Variants in SLC35A1 observed in about 807,000 individuals in gnomAD.
SLC35A1 encodes the protein solute carrier family 35 member A1.
In SLC35A1, 21 loss-of-function variants were observed where a neutral mutation model predicts 40.3. That is an observed-to-expected ratio of 0.52 (90% confidence interval 0.37 to 0.75). The LOEUF (loss-of-function observed/expected upper bound fraction) is 0.75, where lower values mean the gene tolerates loss of function less well. Among genes scored for constraint, SLC35A1 ranks in the 30% least tolerant of loss-of-function variants. The pLI, the probability that SLC35A1 is intolerant of heterozygous loss-of-function variation, is 0.00. For synonymous variants in SLC35A1, 146 were observed against 147.3 expected, an observed-to-expected ratio of 0.99 and a Z score of 0.06; for missense variants, 297 against 382.1, an observed-to-expected ratio of 0.78 and a Z score of 1.86.
chr6:87,474,008 T>A (rs1768997692), intron 1 of SLC35A1, among the ~76,000 whole-genome samples: 1 of 152,282 alleles, frequency 6.6e-6, no homozygotes, highest in Non-Finnish European at 1.5e-5. Context: ...GCTTCTCTTA[T>A]GTCTTCTTTC....
At chr6:87,486,931 C>T (rs946420350) in intron 2 of SLC35A1, among the ~76,000 whole-genome samples, 1 of 152,094 alleles carries the variant, frequency 6.6e-6, no homozygotes, top group African/African-American at 2.4e-5. Context: ...AATCTCAGCA[C>T]TTTGGGAGGC....
intron 4 of SLC35A1, among the ~76,000 whole-genome samples, chr6:87,504,364 A>T (rs568011831): frequency 6.6e-6 from 1 of 151,456 alleles, no homozygotes; most frequent in South Asian, 2.1e-4. Flanking sequence ...TACTATTCTT[A>T]AATTCCTGGT....
intron 2 of SLC35A1, among the ~76,000 whole-genome samples, chr6:87,499,398 A>T (rs1310879290): frequency 3.9e-5 from 6 of 152,240 alleles, no homozygotes; most frequent in Admixed American, 3.9e-4. Context: ...GACCATTATT[A>T]TAAAGCACTT....
intron 2 of SLC35A1, among the ~76,000 whole-genome samples, chr6:87,489,280 G>A (rs1769474931): frequency 1.8e-5 from 1 of 55,812 alleles, no homozygotes; most frequent in Non-Finnish European, 3.6e-5. Context: ...TTTAGGTTGT[G>A]GGGGCAAATT....
intron 2 of SLC35A1, among the ~76,000 whole-genome samples, chr6:87,478,524 G>A (rs961050510): frequency 1.3e-5 from 2 of 152,138 alleles, no homozygotes; most frequent in Non-Finnish European, 2.9e-5. Flanking sequence ...AGGCTTTTAT[G>A]TAGAAACAGA....
chr6:87,491,041 G>A (rs531928145), intron 2 of SLC35A1, among the ~76,000 whole-genome samples: 130 of 152,298 alleles, frequency 8.5e-4, no homozygotes, highest in African/African-American at 2.1e-3. Flanking sequence ...AAACAGGTGA[G>A]GGAAACAAGC....
At chr6:87,489,627 C>G (rs11962998) in intron 2 of SLC35A1, among the ~76,000 whole-genome samples, 7,532 of 150,224 alleles carry the variant, frequency 0.05, 210 homozygotes, top group Middle Eastern at 0.075. Flanking sequence ...CTGCAACCTC[C>G]GCCTCCAAGG....
intron 4 of SLC35A1, among the ~76,000 whole-genome samples, chr6:87,502,954 T>A (rs1582191568): frequency 1.3e-5 from 2 of 152,044 alleles, no homozygotes; most frequent in South Asian, 4.1e-4. Flanking sequence ...AGGTTGAGTT[T>A]GTATTTATTA....
At position 87,479,240 on chromosome 6, in the gene SLC35A1, A is replaced by G. The variant is rs1004488293; in HGVS notation, c.194+1701A>G. Among the ~76,000 whole-genome samples, 10 of 152,198 alleles carry G rather than the reference A, an allele frequency of 6.6e-5. 1 individual carries two copies. Among genetic ancestry groups the G allele is most frequent in the African/African-American group, 2.4e-4 (10 of 41,452 alleles). On this transcript the variant is annotated intron_variant, in intron 2 of 7. Transcript: ENST00000369552. ...CTCTTTCTCTTCAAACTTCTTTAAC[A>G]TGCCTTGGCTTAGTTCTGCTCAATT...
At chr6:87,476,454 G>C (rs1769072675) in intron 1 of SLC35A1, among the ~76,000 whole-genome samples, 1 of 152,216 alleles carries the variant, frequency 6.6e-6, no homozygotes, top group South Asian at 2.1e-4. Flanking sequence ...GCCAGGCGTG[G>C]TGGCTAATGC....
chr6:87,475,188 A>G (rs1033202966), intron 1 of SLC35A1, among the ~76,000 whole-genome samples: 1 of 152,240 alleles, frequency 6.6e-6, no homozygotes, highest in Non-Finnish European at 1.5e-5. Context: ...ATGTTCTAAT[A>G]AAACTATTCA....
At chr6:87,501,664 T>C (rs1407452738) in intron 4 of SLC35A1, among the ~76,000 whole-genome samples, 1 of 152,210 alleles carries the variant, frequency 6.6e-6, no homozygotes, top group African/African-American at 2.4e-5. Context: ...CCATACTGTA[T>C]ATGTTTAGAA....
At chr6:87,481,388 G>T (rs1486980390) in intron 2 of SLC35A1, among the ~76,000 whole-genome samples, 1 of 150,324 alleles carries the variant, frequency 6.7e-6, no homozygotes, top group Non-Finnish European at 1.5e-5. Flanking sequence ...TTGCACTCTA[G>T]CCTGGGCAAC....
rs145154637 is a variant in SLC35A1 at position 87,487,886 on chromosome 6, G to A, written c.194+10347G>A. On this transcript the variant is annotated intron_variant, in intron 2 of 7. Coordinates refer to ENST00000369552, the MANE Select transcript of SLC35A1 (RefSeq NM_006416.5). ...AATGACTGCAAGTGTTACCAGCATT[G>A]ATTTGGGGGTTACAGATACATTTTA... Among the ~76,000 whole-genome samples, 285 of 152,308 alleles carry A rather than the reference G, an allele frequency of 1.9e-3. 1 individual carries two copies. Among genetic ancestry groups the A allele is most frequent in the African/African-American group, 6.6e-3 (276 of 41,558 alleles).
Position 87,509,043 on chromosome 6 carries a change from C to G in SLC35A1, c.754C>G (p.Leu252Val), listed in dbSNP as rs1410429451. ...YTYYVWFVIF[L>V]ASVGGLYTSV... ...TTTTATTTCTCTCTGTATACAAGTTCTTGCAAGTGTTGGTGGCCTCTACAC... is the reference window on the plus strand; with the variant it reads ...TTTTATTTCTCTCTGTATACAAGTTGTTGCAAGTGTTGGTGGCCTCTACAC... Residue 252 changes from leucine to valine, a missense_variant and splice_region_variant, in exon 7 of 8, where the codon CTT becomes GTT. Coordinates refer to ENST00000369552, the MANE Select transcript of SLC35A1 (RefSeq NM_006416.5). 4 of 1,613,768 alleles carry G rather than the reference C, an allele frequency of 2.5e-6. No individual in the cohort carries two copies. The highest frequency in any genetic ancestry group is 2.5e-6 in the Non-Finnish European group (3 of 1,179,832).
Position 87,511,691 on chromosome 6 carries a change from C to T in SLC35A1, c.*165C>T, listed in dbSNP as rs1003450246. ...AAACAAACGAAGCTATCTGAGTGAA[C>T]TGCTAATACAGAAACTTAATGTAGA... On this transcript the variant is annotated 3_prime_UTR_variant, in exon 8 of 8. Transcript: ENST00000369552. 21 of 743,902 alleles carry T rather than the reference C, an allele frequency of 2.8e-5. No homozygotes were observed. Among genetic ancestry groups the T allele is most frequent in the Non-Finnish European group, 5.0e-5 (21 of 423,098 alleles). 46.1% of individuals were successfully genotyped at this position (743,902 alleles called of 1,614,324 possible). A position where few individuals can be genotyped will look rare whatever the true frequency, so the allele number is the denominator to read the frequency against.
In SLC35A1 at chr6:87,508,735, GTTGAC is replaced by G. The variant is rs571206730; in HGVS notation, c.751+142_751+146del. On this transcript the variant is annotated intron_variant, in intron 6 of 7. Coordinates refer to ENST00000369552, the MANE Select transcript of SLC35A1 (RefSeq NM_006416.5). ...CCAGTTTGAATATAATTTTCATTTT[GTTGAC>G]TTAGTTTTGATTGTGAAGGCAAAAT... 2.2e-5 allele frequency: 20 copies of G among 894,184 alleles called. No individual in the cohort carries two copies. In the African/African-American group the frequency reaches 3.2e-4, roughly 14 times the overall value. The allele number at this position is 894,184 out of a possible 1,614,324, so 55.4% of individuals were successfully genotyped here.
intron 2 of SLC35A1, among the ~76,000 whole-genome samples, chr6:87,480,589 A>G (rs913066422): frequency 6.6e-6 from 1 of 152,148 alleles, no homozygotes; most frequent in Non-Finnish European, 1.5e-5. Context: ...TAGGTTTGTG[A>G]AAGGGGCAGT....
At position 87,472,990 on chromosome 6, in the gene SLC35A1, G is replaced by A. The variant is rs1237610729; in HGVS notation, c.-14G>A. ...GGGGCGGGCGTCAGTTCCGCGGGGGGCTGTCGGGGAACCATGGCTGCCCCG... is the reference window on the plus strand; with the variant it reads ...GGGGCGGGCGTCAGTTCCGCGGGGGACTGTCGGGGAACCATGGCTGCCCCG... On this transcript the variant is annotated 5_prime_UTR_variant, in exon 1 of 8. Transcript: ENST00000369552. 4 of 668,728 alleles carry A rather than the reference G, an allele frequency of 6.0e-6. No individual in the cohort carries two copies. Among genetic ancestry groups the A allele is most frequent in the Non-Finnish European group, 9.2e-6 (4 of 436,358 alleles). 41.4% of individuals were successfully genotyped at this position (668,728 alleles called of 1,614,324 possible).
Sources: allele counts gnomAD v4.1 joint callset (sites outside exome capture counted in the v4.1 genomes callset), GRCh38; gene constraint gnomAD v4.1.1; transcripts MANE v1.5; gene names NCBI Gene and HGNC (gene_info 2026-07-23, HGNC 2026-07-21).